Variants in RPRD1B observed in about 807,000 individuals in gnomAD.
The protein encoded by RPRD1B is regulation of nuclear pre-mRNA domain-containing protein 1B.
In RPRD1B, 11 loss-of-function variants were observed where a neutral mutation model predicts 41.5. That is an observed-to-expected ratio of 0.27 (90% confidence interval 0.17 to 0.44). The LOEUF (loss-of-function observed/expected upper bound fraction) is 0.44, where lower values mean the gene tolerates loss of function less well. Among genes scored for constraint, RPRD1B ranks in the 20% least tolerant of loss-of-function variants. The pLI, the probability that RPRD1B is intolerant of heterozygous loss-of-function variation, is 1.00. For synonymous variants in RPRD1B, 158 were observed against 155.6 expected (o/e 1.02, Z -0.12); for missense variants, 248 against 389.9 (o/e 0.64, Z 3.06).
intron 5 of RPRD1B, among the ~76,000 whole-genome samples, chr20:38,062,341 AAAT>A (rs2074306603): frequency 6.6e-6 from 1 of 152,112 alleles, no homozygotes; most frequent in African/African-American, 2.4e-5. Flanking sequence ...TCATGACTAT[AAAT>A]AAGAGTTTTT....
At position 38,091,056 on chromosome 20, in the gene RPRD1B, T is replaced by G. The variant is rs1168501179; in HGVS notation, c.*1181T>G. 1.0e-6 allele frequency: 1 copy of G among 985,644 alleles called. No homozygotes were observed. Among genetic ancestry groups the G allele is most frequent in the Non-Finnish European group, 1.2e-6 (1 of 829,870 alleles). 61.1% of individuals were successfully genotyped at this position (985,644 alleles called of 1,614,324 possible). A position where few individuals can be genotyped will look rare whatever the true frequency, so the allele number is the denominator to read the frequency against. The stretch of plus-strand genomic sequence containing the variant: ...GTCAGCTGACATTATGACTATATAA[T>G]GTAGTTAGAGACAATTTTTATCTTG... On this transcript the variant is annotated 3_prime_UTR_variant, in exon 7 of 7. Coordinates refer to ENST00000373433, the MANE Select transcript of RPRD1B (RefSeq NM_021215.4).
intron 6 of RPRD1B, among the ~76,000 whole-genome samples, chr20:38,068,384 A>G (rs1397195026): frequency 1.3e-5 from 2 of 152,328 alleles, no homozygotes; most frequent in South Asian, 2.1e-4. Context: ...AAAGCAAATG[A>G]CTAGATACAG....
At chr20:38,065,941 CATT>C (rs1290015133) in intron 5 of RPRD1B, 137 bp from the exon 6 acceptor site, 7 of 746,732 alleles carry the variant, frequency 9.4e-6, no homozygotes, top group African/African-American at 1.7e-5. Context: ...TTAATCAACT[CATT>C]GTTTGTCCAC....
chr20:38,090,589 TC>T lies in RPRD1B; in HGVS notation c.*716del. 2.3e-5 allele frequency: 23 copies of T among 985,598 alleles called. No individual in the cohort carries two copies. Among genetic ancestry groups the T allele is most frequent in the Non-Finnish European group, 2.4e-5 (20 of 829,928 alleles). The allele number at this position is 985,598 out of a possible 1,614,324, so 61.1% of individuals were successfully genotyped here. A position where few individuals can be genotyped will look rare whatever the true frequency, so the allele number is the denominator to read the frequency against. On this transcript the variant is annotated 3_prime_UTR_variant, in exon 7 of 7. Transcript: ENST00000373433. ...TAAAAGGAATTTATTTGCTTCAAGTTCCTAGATACAACCTTCCCATGCTGCA... is the reference window on the plus strand; with the variant it reads ...TAAAAGGAATTTATTTGCTTCAAGTTCTAGATACAACCTTCCCATGCTGCA...
intron 6 of RPRD1B, among the ~76,000 whole-genome samples, chr20:38,076,139 T>G (rs1220560063): frequency 3.9e-5 from 6 of 152,230 alleles, no homozygotes; most frequent in Non-Finnish European, 8.8e-5. Flanking sequence ...GTGTCTGTTC[T>G]GTGGGGCATA....
At chr20:38,049,380 T>TC (rs2074158498) in intron 3 of RPRD1B, among the ~76,000 whole-genome samples, 1 of 142,594 alleles carries the variant, frequency 7.0e-6, no homozygotes, top group Non-Finnish European at 1.5e-5. Flanking sequence ...TTTTTTTTTT[T>TC]TTTTTTTTGA....
At position 38,090,686 on chromosome 20, in the gene RPRD1B, T is replaced by TA; in HGVS notation, c.*812dup. On this transcript the variant is annotated 3_prime_UTR_variant, in exon 7 of 7. Transcript: ENST00000373433. The stretch of plus-strand genomic sequence containing the variant: ...CCCTGGTGGGTGCGAAGGCAGTTGT[T>TA]AGGGATGGCAGGCATTGGTGGGCTC... 1 of 985,476 alleles carries TA rather than the reference T, an allele frequency of 1.0e-6. No homozygotes were observed. Among genetic ancestry groups the TA allele is most frequent in the Non-Finnish European group, 1.2e-6 (1 of 829,962 alleles). 61.0% of individuals were successfully genotyped at this position (985,476 alleles called of 1,614,324 possible).
chr20:38,040,495 A>G lies in RPRD1B; in HGVS notation c.212A>G (p.Lys71Arg). ...GCGAATGATGTCATCCAAAACAGTA[A>G]AAGGAAAGGACCTGAATTCACTAGA... The part of the protein sequence containing the change: ...YLANDVIQNS[K>R]RKGPEFTREF... Residue 71 changes from lysine (K) to arginine (R), a missense_variant, in exon 2 of 7, where the codon AAA (lysine) becomes AGA (arginine). Around this residue, in one of 5 missense-constraint regions of RPRD1B, gnomAD observed 47 missense variants for 103.6 expected, o/e 0.45. Transcript: ENST00000373433. 1.2e-6 allele frequency: 2 copies of G among 1,611,474 alleles called. No individual in the cohort carries two copies. Among genetic ancestry groups the G allele is most frequent in the Non-Finnish European group, 1.7e-6 (2 of 1,178,984 alleles).
In RPRD1B at chr20:38,079,496, T is replaced by C. The variant is rs140663639; in HGVS notation, c.832-10230T>C. On this transcript the variant is annotated intron_variant, in intron 6 of 6. Transcript: ENST00000373433. ...TTCTCAATGTTTAGCTCCCAACTTA[T>C]AAGTGAGAACATGCGGTATTTGGTT... Among the ~76,000 whole-genome samples the C allele has an allele frequency of 4.9e-3, 742 of 152,288 alleles. 1 individual carries two copies. Among genetic ancestry groups the C allele is most frequent in the Non-Finnish European group, 8.0e-3 (542 of 68,012 alleles).
chr20:38,046,951 C>G (rs1472875774), intron 2 of RPRD1B, among the ~76,000 whole-genome samples: 1 of 152,070 alleles, frequency 6.6e-6, no homozygotes, highest in Admixed American at 6.5e-5. Flanking sequence ...TTTGAAAACT[C>G]GAGAACAGGT....
At position 38,069,892 on chromosome 20, in the gene RPRD1B, A is replaced by T. The variant is rs147874285; in HGVS notation, c.831+3636A>T. ...GTAATGCCTTCAGCAGGTCTCCCAA[A>T]GTTTGCTAGACTGTATACTCTTTGA... is the stretch of plus-strand genomic sequence containing the variant. On this transcript the variant is annotated intron_variant, in intron 6 of 6. Transcript: ENST00000373433. Among the ~76,000 whole-genome samples the T allele has an allele frequency of 8.3e-3, 1,267 of 152,336 alleles. 10 individuals are homozygous for T. Among genetic ancestry groups the T allele is most frequent in the African/African-American group, 0.025 (1,039 of 41,574 alleles).
rs2074273327 is a variant in RPRD1B, at chr20:38,059,286, G to T, written c.529-108G>T. ...TAAGAACAGTTTTTTTTAAGAAATG[G>T]CAGGAATGACTGTTTTTAGAATTTG... On this transcript the variant is annotated intron_variant, in intron 4 of 6. Coordinates refer to ENST00000373433, the MANE Select transcript of RPRD1B (RefSeq NM_021215.4). 6.9e-6 allele frequency: 8 copies of T among 1,155,618 alleles called. No individual in the cohort carries two copies. In the South Asian group the frequency reaches 1.1e-4, roughly 17 times the overall value. The allele number at this position is 1,155,618 out of a possible 1,614,324, so 71.6% of individuals were successfully genotyped here.
At position 38,037,366 on chromosome 20, in the gene RPRD1B, G is replaced by C. The variant is rs62203565; in HGVS notation, c.152-3069G>C. Among the ~76,000 whole-genome samples the C allele has an allele frequency of 1.6e-4, 25 of 152,278 alleles. No homozygotes were observed. In the East Asian group the frequency reaches 4.4e-3, roughly 27 times the overall value. On this transcript the variant is annotated intron_variant, in intron 1 of 6. Coordinates refer to ENST00000373433, the MANE Select transcript of RPRD1B (RefSeq NM_021215.4). ...ATGTAGGTAATGGGCTTTTATTGCA[G>C]AATTACTTTAAGACTTTCTGTAGAT...
chr20:38,072,498 G>A (rs766895677), intron 6 of RPRD1B, among the ~76,000 whole-genome samples: 19 of 152,116 alleles, frequency 1.2e-4, no homozygotes, highest in East Asian at 1.9e-4. Context: ...ATTTAGGATC[G>A]CTTGCAATTC....
intron 6 of RPRD1B, among the ~76,000 whole-genome samples, chr20:38,075,769 A>G (rs1254366120): frequency 1.3e-5 from 2 of 152,232 alleles, no homozygotes; most frequent in African/African-American, 4.8e-5. Context: ...ATCAGGAGTC[A>G]AGTGAAACCT....
In RPRD1B at chr20:38,048,382, A is replaced by G; in HGVS notation, c.316A>G (p.Arg106Gly). The stretch of plus-strand genomic sequence containing the variant: ...TGAAGGCTGTAAAAAACCTTTAGAA[A>G]GATTGCTGAACATCTGGCAAGAACG... ...ADEGCKKPLE[R>G]LLNIWQERSV... Residue 106 changes from arginine (R) to glycine (G), a missense_variant, in exon 3 of 7, where the codon AGA becomes GGA. By Grantham distance (125) the Arg-to-Gly change is moderately radical. Transcript: ENST00000373433. The G allele has an allele frequency of 6.2e-7, 1 of 1,613,970 alleles. No individual in the cohort carries two copies. Among genetic ancestry groups the G allele is most frequent in the Non-Finnish European group, 8.5e-7 (1 of 1,179,878 alleles).
intron 6 of RPRD1B, among the ~76,000 whole-genome samples, chr20:38,079,036 A>G (rs909923802): frequency 1.7e-4 from 26 of 152,202 alleles, no homozygotes; most frequent in Admixed American, 1.6e-3. Context: ...AGTATTGCTC[A>G]TAAAATAATA....
Position 38,070,323 on chromosome 20 carries a change from G to A in RPRD1B, c.831+4067G>A, listed in dbSNP as rs2074399110. The A allele has an allele frequency of 7.1e-6, 7 of 985,492 alleles. No homozygotes were observed. In the South Asian group the frequency reaches 2.8e-4, roughly 40 times the overall value. 61.0% of individuals were successfully genotyped at this position (985,492 alleles called of 1,614,324 possible). ...AATCTGTGGGTAATGTTTTTGTCAT[G>A]AACATGAGAAAACCTAGAAATGGAG... On this transcript the variant is annotated intron_variant, in intron 6 of 6. Coordinates refer to ENST00000373433, the MANE Select transcript of RPRD1B (RefSeq NM_021215.4).
intron 2 of RPRD1B, among the ~76,000 whole-genome samples, chr20:38,044,510 A>G (rs2074101595): frequency 6.6e-6 from 1 of 151,378 alleles, no homozygotes; most frequent in Non-Finnish European, 1.5e-5. Context: ...AGTAGCTGGG[A>G]CTACAGGCGC....
Sources: allele counts gnomAD v4.1 joint callset (sites outside exome capture counted in the v4.1 genomes callset), GRCh38; gene constraint gnomAD v4.1.1; regional missense constraint gnomAD v4.1.1; transcripts MANE v1.5; gene names NCBI Gene and HGNC (gene_info 2026-07-23, HGNC 2026-07-21).